The following BTBD9 variants were observed in gnomAD, a reference collection of about 807,000 sequenced individuals.
BTBD9 encodes the protein BTB/POZ domain-containing protein 9.
Under a neutral mutation model 64.3 loss-of-function variants are expected in BTBD9, and 49 were observed. The observed-to-expected ratio is 0.76, with a 90% CI of 0.61 to 0.97. The LOEUF (loss-of-function observed/expected upper bound fraction) is 0.97. BTBD9 is among the 50% of genes least tolerant of loss of function. The pLI is 0.00. For missense variants in BTBD9, 598 were observed against 762.1 expected, an observed-to-expected ratio of 0.78 and a Z score of 2.53; for synonymous variants, 260 against 274.7, an observed-to-expected ratio of 0.95 and a Z score of 0.53.
At chr6:38,191,406 C>T (rs1762065725) in intron 10 of BTBD9, among the ~76,000 whole-genome samples, 1 of 152,212 alleles carries the variant, frequency 6.6e-6, no homozygotes, top group Non-Finnish European at 1.5e-5. Flanking sequence ...ACGAGAAGCC[C>T]TGTGTTCATA....
intron 1 of BTBD9, among the ~76,000 whole-genome samples, chr6:38,613,869 T>C (rs1277148483): frequency 6.6e-6 from 1 of 152,154 alleles, no homozygotes; most frequent in South Asian, 2.1e-4. Flanking sequence ...ATCTCATTTG[T>C]AAATGAGAAG....
intron 6 of BTBD9, among the ~76,000 whole-genome samples, chr6:38,380,461 T>C (rs975005468): frequency 1.9e-4 from 29 of 152,196 alleles, no homozygotes; most frequent in African/African-American, 7.0e-4. Context: ...TCAAATAAAA[T>C]TCTAGGAAAG....
intron 6 of BTBD9, among the ~76,000 whole-genome samples, chr6:38,558,826 G>A (rs992119161): frequency 3.3e-5 from 5 of 152,140 alleles, no homozygotes; most frequent in Non-Finnish European, 7.4e-5. Context: ...TGTTCACCAA[G>A]GATATTGGCC....
intron 6 of BTBD9, among the ~76,000 whole-genome samples, chr6:38,456,251 G>A (rs141346307): frequency 4.6e-5 from 7 of 152,176 alleles, no homozygotes; most frequent in African/African-American, 1.7e-4. Flanking sequence ...GCCTTCCTAA[G>A]TACTGGGATT....
At chr6:38,337,269 G>A (rs78989368) in intron 7 of BTBD9, among the ~76,000 whole-genome samples, 95 of 152,238 alleles carry the variant, frequency 6.2e-4, no homozygotes, top group African/African-American at 2.2e-3. Context: ...ATACGTCTAG[G>A]TCACTGGATG....
At chr6:38,364,844 C>T (rs946910919) in intron 6 of BTBD9, among the ~76,000 whole-genome samples, 5 of 152,092 alleles carry the variant, frequency 3.3e-5, no homozygotes, top group East Asian at 3.9e-4. Flanking sequence ...CAAGACAAGG[C>T]CCTGTAGATC....
At chr6:38,181,466 G>A (rs1761551023) in intron 10 of BTBD9, among the ~76,000 whole-genome samples, 1 of 152,112 alleles carries the variant, frequency 6.6e-6, no homozygotes, top group Non-Finnish European at 1.5e-5. Context: ...TGGCTGATGT[G>A]GTGGCATCAC....
At chr6:38,297,815 C>T (rs1309168323) in intron 7 of BTBD9, among the ~76,000 whole-genome samples, 2 of 149,456 alleles carry the variant, frequency 1.3e-5, no homozygotes, top group African/African-American at 2.4e-5. Context: ...TTTCTCTTAC[C>T]TTTCTGCCCA....
chr6:38,467,388 T>C (rs1455756225), intron 6 of BTBD9, among the ~76,000 whole-genome samples: 1 of 152,196 alleles, frequency 6.6e-6, no homozygotes, highest in Non-Finnish European at 1.5e-5. Context: ...AGTCTATGTA[T>C]ACAAATACCT....
chr6:38,336,721 C>T (rs369336354), intron 7 of BTBD9, among the ~76,000 whole-genome samples: 3 of 152,310 alleles, frequency 2.0e-5, no homozygotes, highest in African/African-American at 7.2e-5. Flanking sequence ...CTTCCTGATA[C>T]CAGTACCCCA....
At chr6:38,459,133 C>T (rs1179413336) in intron 6 of BTBD9, among the ~76,000 whole-genome samples, 1 of 152,014 alleles carries the variant, frequency 6.6e-6, no homozygotes, top group Admixed American at 6.6e-5. Flanking sequence ...ATTCTCCTGC[C>T]GCAGCCTTTC....
intron 4 of BTBD9, among the ~76,000 whole-genome samples, chr6:38,590,107 T>A (rs903118391): frequency 2.6e-5 from 4 of 152,216 alleles, no homozygotes; most frequent in African/African-American, 9.6e-5. Flanking sequence ...TTACCCATTA[T>A]ATGCTATTTG....
chr6:38,325,385 T>C (rs1304923025), intron 7 of BTBD9, among the ~76,000 whole-genome samples: 1 of 152,164 alleles, frequency 6.6e-6, no homozygotes, highest in Non-Finnish European at 1.5e-5. Context: ...AATGGATACC[T>C]GTTTAAAAAC....
intron 8 of BTBD9, among the ~76,000 whole-genome samples, chr6:38,257,992 T>C (rs932823322): frequency 6.6e-6 from 1 of 151,788 alleles, no homozygotes; most frequent in African/African-American, 2.4e-5. Flanking sequence ...TATATATGTA[T>C]ATATATATTT....
intron 6 of BTBD9, among the ~76,000 whole-genome samples, chr6:38,402,592 C>G (rs1266997459): frequency 6.6e-6 from 1 of 152,154 alleles, no homozygotes; most frequent in South Asian, 2.1e-4. Flanking sequence ...GAAAATGTGC[C>G]TGGGACAACT....
At chr6:38,614,744 C>G (rs1016805845) in intron 1 of BTBD9, among the ~76,000 whole-genome samples, 2 of 152,192 alleles carry the variant, frequency 1.3e-5, no homozygotes, top group African/African-American at 4.8e-5. Context: ...TTTGCAACTT[C>G]CATGCTACCA....
chr6:38,199,176 A>G (rs1466046850), intron 9 of BTBD9, among the ~76,000 whole-genome samples: 2 of 152,184 alleles, frequency 1.3e-5, no homozygotes, highest in African/African-American at 2.4e-5. Context: ...GGACCTAGGC[A>G]CAGCAGAGGG....
At chr6:38,283,064 C>A (rs1246753988) in intron 8 of BTBD9, among the ~76,000 whole-genome samples, 4 of 152,122 alleles carry the variant, frequency 2.6e-5, no homozygotes, top group Non-Finnish European at 5.9e-5. Flanking sequence ...AACGAAAATG[C>A]GGGTATAGAG....
At chr6:38,477,626 A>G (rs1180475341) in intron 6 of BTBD9, among the ~76,000 whole-genome samples, 1 of 152,194 alleles carries the variant, frequency 6.6e-6, no homozygotes, top group Non-Finnish European at 1.5e-5. Flanking sequence ...AGCAGTATCT[A>G]TATTTGCTGA....
Sources: gnomAD v4.1 joint callset for allele counts (sites outside exome capture counted in the v4.1 genomes callset) on GRCh38, gnomAD v4.1.1 for gene constraint, MANE v1.5 for transcripts, NCBI Gene and HGNC (gene_info 2026-07-23, HGNC 2026-07-21) for gene names.